SPNS2: variants seen among roughly 807,000 people sequenced by gnomAD.
SPNS2 encodes SPNS lysolipid transporter 2, sphingosine-1-phosphate, also known as sphingosine-1-phosphate transporter SPNS2.
In SPNS2, 37 loss-of-function variants were observed where a neutral mutation model predicts 57.6. The ratio of observed to expected loss-of-function variants is 0.64; its 90% CI spans 0.49 to 0.85. SPNS2 has a LOEUF of 0.85. Ranked by LOEUF, SPNS2 falls within the 40% of genes least tolerant of loss-of-function variation. The pLI is 0.00. For synonymous variants in SPNS2, 440 were observed against 346.9 expected (o/e 1.27, Z -2.98); for missense variants, 831 against 779.1 (o/e 1.07, Z -0.79).
At chr17:4,520,404 C>A (rs540260055) in intron 2 of SPNS2, among the ~76,000 whole-genome samples, 9 of 152,254 alleles carry the variant, frequency 5.9e-5, no homozygotes, top group African/African-American at 2.2e-4. Context: ...TGGCCGGGGT[C>A]TGGCGAAGGT....
intron 2 of SPNS2, among the ~76,000 whole-genome samples, chr17:4,519,467 G>T (rs1905082884): frequency 6.6e-6 from 1 of 152,148 alleles, no homozygotes; most frequent in South Asian, 2.1e-4. Context: ...GCCTGGCGAG[G>T]AGGAGGGAGT....
At chr17:4,536,863 G>C in intron 11 of SPNS2, 37 bp from the exon 12 acceptor site, 1 of 1,602,482 alleles carries the variant, frequency 6.2e-7, no homozygotes, top group Non-Finnish European at 8.5e-7. Context: ...GGCCCCCGCT[G>C]ATGCACCACC....
At chr17:4,534,473 TCAGGAGGGGA>T (rs1294537579) in intron 9 of SPNS2, 1 of 157,914 alleles carries the variant, frequency 6.3e-6, no homozygotes, top group Non-Finnish European at 1.4e-5. Flanking sequence ...CTGGCCAGGG[TCAGGAGGGGA>T]CAGGAGAGAG....
At chr17:4,505,105 C>G (rs1443851138) in intron 1 of SPNS2, among the ~76,000 whole-genome samples, 1 of 152,196 alleles carries the variant, frequency 6.6e-6, no homozygotes, top group Non-Finnish European at 1.5e-5. Flanking sequence ...GTGCCTAACT[C>G]CCGGTTTTGA....
chr17:4,499,224 G>A lies in SPNS2; in HGVS notation c.177G>A (p.Thr59=), dbSNP rs1904376996. The A allele has an allele frequency of 1.2e-5, 18 of 1,449,854 alleles. No homozygotes were observed. The highest frequency in any genetic ancestry group is 1.5e-5 in the Non-Finnish European group (17 of 1,107,244). The allele number at this position is 1,449,854 out of a possible 1,614,324, so 89.8% of individuals were successfully genotyped here. Residue 59 remains threonine (T), a synonymous_variant, in exon 1 of 13, where the codon ACG becomes ACA. Transcript: ENST00000329078. The surrounding 1 kb of genome is among the most constrained non-coding windows in gnomAD (Gnocchi z 5.2). ...CGGCCGCGGGCGATGAGGTGCAGAC[G>A]CTGTCGGGCAGCGTAAGGCGGGCCC... The part of the protein sequence containing the change: ...GVSAAGDEVQ[T]LSGSVRRAPT...
At position 4,530,633 on chromosome 17, in the gene SPNS2, A is replaced by G; in HGVS notation, c.575A>G (p.Tyr192Cys). 1 of 1,611,338 alleles carries G rather than the reference A, an allele frequency of 6.2e-7. No homozygotes were observed. The highest frequency in any genetic ancestry group is 8.5e-7 in the Non-Finnish European group (1 of 1,179,004). Residue 192 changes from tyrosine to cysteine, a missense_variant and splice_region_variant, in exon 4 of 13, where the codon TAC becomes TGC. Coordinates refer to ENST00000329078, the MANE Select transcript of SPNS2 (RefSeq NM_001124758.3). ...AGCATCCTCCACCCCTCCTCACAGT[A>G]CTTCTGGCTGCTGGTCCTGTCCCGG... ...TFSSSFIPQQ[Y>C]FWLLVLSRGL...
intron 1 of SPNS2, among the ~76,000 whole-genome samples, chr17:4,506,103 G>A (rs976352975): frequency 3.3e-5 from 5 of 152,194 alleles, no homozygotes; most frequent in South Asian, 2.1e-4. Context: ...TTGTCGGGGT[G>A]CAGGTGGGGA....
rs1279998364 is a variant in SPNS2, at chr17:4,537,786, G to A, written c.*338G>A. The stretch of plus-strand genomic sequence containing the variant: ...CACCAGCTTATGTGATCTTGGGCAA[G>A]TCCCTGCCCTCCCTGGAACGAAGGG... On this transcript the variant is annotated 3_prime_UTR_variant, in exon 13 of 13. Transcript: ENST00000329078. 1 of 455,620 alleles carries A rather than the reference G, an allele frequency of 2.2e-6. No individual in the cohort carries two copies. Among genetic ancestry groups the A allele is most frequent in the Non-Finnish European group, 4.4e-6 (1 of 226,012 alleles). The allele number at this position is 455,620 out of a possible 1,614,324, so 28.2% of individuals were successfully genotyped here.
rs537438344 is a variant in SPNS2, at chr17:4,532,803, G to C, written c.935+119G>C. ...CAGACACCCCACCTCTGCTGTCTCA[G>C]TGCTGGGAGGGACATTTTGGCCCCA... On this transcript the variant is annotated intron_variant, in intron 6 of 12. Transcript: ENST00000329078. 1.2e-3 allele frequency: 1,757 copies of C among 1,456,742 alleles called. 13 individuals carry two copies. Among genetic ancestry groups the C allele is most frequent in the Non-Finnish European group, 6.0e-4 (651 of 1,080,342 alleles). The allele number at this position is 1,456,742 out of a possible 1,614,324, so 90.2% of individuals were successfully genotyped here.
chr17:4,514,577 G>C (rs558890704), intron 2 of SPNS2, among the ~76,000 whole-genome samples: 1 of 152,198 alleles, frequency 6.6e-6, no homozygotes, highest in Non-Finnish European at 1.5e-5. Flanking sequence ...AGACTTGACT[G>C]TTCTAGGATG....
At chr17:4,537,290 C>T (rs547507292) in intron 12 of SPNS2, among the ~76,000 whole-genome samples, 163 bp from the exon 13 acceptor site, 33 of 152,364 alleles carry the variant, frequency 2.2e-4, no homozygotes, top group Middle Eastern at 6.8e-3. Context: ...TTGGCCCTTC[C>T]CTCTGGGAGT....
intron 1 of SPNS2, among the ~76,000 whole-genome samples, chr17:4,501,608 C>T (rs567215198): frequency 3.3e-5 from 5 of 152,172 alleles, no homozygotes; most frequent in African/African-American, 7.2e-5. Flanking sequence ...GTTTCCTCTC[C>T]GGATAAGCCT....
intron 2 of SPNS2, among the ~76,000 whole-genome samples, chr17:4,514,063 A>G (rs1214463505): frequency 2.6e-5 from 4 of 152,164 alleles, no homozygotes; most frequent in Admixed American, 2.6e-4. Flanking sequence ...GCCCTGTGGG[A>G]GCTGGGCCCT....
At chr17:4,536,467 A>C in intron 11 of SPNS2, 41 bp downstream of exon 11, 1 of 1,571,410 alleles carries the variant, frequency 6.4e-7, no homozygotes, top group Non-Finnish European at 8.6e-7. Flanking sequence ...ACCGCCGGGA[A>C]GCAGGGACCG....
intron 3 of SPNS2, among the ~76,000 whole-genome samples, chr17:4,525,498 G>T (rs1466014272): frequency 1.3e-5 from 2 of 152,228 alleles, no homozygotes; most frequent in East Asian, 3.8e-4. Context: ...AGGAGTGAGG[G>T]CCTTGAGTCC....
chr17:4,536,426 A>G lies in SPNS2; in HGVS notation c.1607A>G (p.Gln536Arg). The G allele has an allele frequency of 6.5e-7, 1 of 1,536,426 alleles. No individual in the cohort carries two copies. The highest frequency in any genetic ancestry group is 8.8e-7 in the Non-Finnish European group (1 of 1,138,044). Residue 536 changes from glutamine to arginine, a missense_variant and splice_region_variant, in exon 11 of 13, where the codon CAG becomes CGG. Physicochemically the swap from Gln to Arg is conservative, Grantham distance 43. Transcript: ENST00000329078. Reference protein sequence around the residue: ...FVSDRARAEQQVNQLAMPPAS... With the variant: ...FVSDRARAEQRVNQLAMPPAS... ...AGCGACCGCGCCAGGGCTGAGCAGC[A>G]GTGAGTGGGGGGGAGGGGAGGCCCT...
Position 4,512,256 on chromosome 17 carries a change from G to A in SPNS2, c.371-991G>A, listed in dbSNP as rs966454648. Among the ~76,000 whole-genome samples, 4 of 152,176 alleles carry A rather than the reference G, an allele frequency of 2.6e-5. No individual in the cohort carries two copies. The highest frequency in any genetic ancestry group is 4.8e-5 in the African/African-American group (2 of 41,430). On this transcript the variant is annotated intron_variant, in intron 1 of 12. Transcript: ENST00000329078. This position sits in a 1 kb window ranked among gnomAD's most constrained non-coding sequence, Gnocchi z 5.2. ...TATGGTCAGCGGGGCTCTGGCCTGT[G>A]CCCTGGGTCCTCCTGTCCTCACAGA...
At chr17:4,521,824 G>A (rs956249507) in intron 2 of SPNS2, among the ~76,000 whole-genome samples, 6 of 152,196 alleles carry the variant, frequency 3.9e-5, no homozygotes, top group East Asian at 1.9e-4. Context: ...GCGTGTCCCC[G>A]CACATCCCTT....
rs1420960585 is a variant in SPNS2, at chr17:4,532,582, T to C, written c.833T>C (p.Leu278Pro). Residue 278 changes from leucine (L) to proline (P), a missense_variant, in exon 6 of 13, where the codon CTC (leucine) becomes CCC (proline). Physicochemically the swap from Leu to Pro is moderately conservative, Grantham distance 98 (BLOSUM62 -3). Around this residue, in one of 2 missense-constraint regions of SPNS2, gnomAD observed 526 missense variants for 400.9 expected, o/e 1.31. Transcript: ENST00000329078. Reference sequence around the variant, plus strand: ...GGCATGATCACAGGAACACTCATCCTCATTCTGGTCCCAGCCACTAAAAGG... The same window carrying C: ...GGCATGATCACAGGAACACTCATCCCCATTCTGGTCCCAGCCACTAAAAGG... ...VLGMITGTLI[L>P]ILVPATKRGH... 3 of 1,614,078 alleles carry C rather than the reference T, an allele frequency of 1.9e-6. No individual in the cohort carries two copies. The East Asian group carries it at 6.7e-5, about 36-fold the overall frequency.
Sources: gnomAD v4.1 joint callset for allele counts (sites outside exome capture counted in the v4.1 genomes callset) on GRCh38, gnomAD v4.1.1 for gene constraint, gnomAD v4.1.1 regional missense constraint, Gnocchi (gnomAD v3.1) non-coding constraint, MANE v1.5 for transcripts, NCBI Gene and HGNC (gene_info 2026-07-23, HGNC 2026-07-21) for gene names.